The following MACROD2 variants were observed in gnomAD, a reference collection of about 807,000 sequenced individuals.
MACROD2 encodes mono-ADP ribosylhydrolase 2.
Under a neutral mutation model 70.4 loss-of-function variants are expected in MACROD2, and 36 were observed. The observed-to-expected ratio is 0.51, with a 90% CI of 0.39 to 0.68. The LOEUF is 0.68. Ranked by LOEUF, MACROD2 falls within the 30% of genes least tolerant of loss-of-function variation. MACROD2 has a pLI of 0.00. For synonymous variants in MACROD2, 172 were observed against 178.8 expected (o/e 0.96, Z 0.30); for missense variants, 496 against 538.4 (o/e 0.92, Z 0.78).
chr20:14,746,386 G>C (rs1427468020), intron 5 of MACROD2, among the ~76,000 whole-genome samples: 1 of 152,088 alleles, frequency 6.6e-6, no homozygotes. Flanking sequence ...TCTGGTGCCT[G>C]TTTTAAGGGT....
chr20:15,631,774 C>G (rs1408005372), intron 8 of MACROD2, among the ~76,000 whole-genome samples: 1 of 152,184 alleles, frequency 6.6e-6, no homozygotes, highest in African/African-American at 2.4e-5. Flanking sequence ...TTAAAAAACA[C>G]TGATGTCCAG....
At chr20:14,696,186 C>CGATAGATA (rs202111628) in intron 5 of MACROD2, among the ~76,000 whole-genome samples, 1 of 151,802 alleles carries the variant, frequency 6.6e-6, no homozygotes, top group African/African-American at 2.4e-5. Context: ...ATAGATAGAT[C>CGATAGATA]GATAGATAGA....
chr20:15,337,504 T>G (rs1007585763), intron 6 of MACROD2, among the ~76,000 whole-genome samples: 1 of 151,804 alleles, frequency 6.6e-6, no homozygotes, highest in Non-Finnish European at 1.5e-5. Context: ...CTAATAAAAA[T>G]TACATATATT....
intron 5 of MACROD2, among the ~76,000 whole-genome samples, chr20:14,863,074 G>T (rs1312166840): frequency 2.0e-5 from 3 of 151,804 alleles, no homozygotes; most frequent in Admixed American, 1.3e-4. Context: ...ATTCTCCAAG[G>T]GTTGGCTTCA....
intron 5 of MACROD2, among the ~76,000 whole-genome samples, chr20:14,751,242 A>G (rs1443269561): frequency 1.3e-5 from 2 of 151,350 alleles, no homozygotes; most frequent in Admixed American, 1.3e-4. Context: ...GTGAAATCCC[A>G]TTACACCTTA....
At chr20:15,774,292 A>T (rs1469250149) in intron 8 of MACROD2, among the ~76,000 whole-genome samples, 7 of 152,164 alleles carry the variant, frequency 4.6e-5, no homozygotes, top group Non-Finnish European at 8.8e-5. Flanking sequence ...AGTTCAAGAG[A>T]GTTATGTTAA....
intron 8 of MACROD2, among the ~76,000 whole-genome samples, chr20:15,837,501 C>G (rs2064127327): frequency 6.6e-6 from 1 of 152,132 alleles, no homozygotes; most frequent in Non-Finnish European, 1.5e-5. Flanking sequence ...TCCTCAGTAG[C>G]AGACACTGTA....
Position 14,321,333 on chromosome 20 carries a change from C to T in MACROD2, c.272-172146C>T, listed in dbSNP as rs149975065. Among the ~76,000 whole-genome samples the T allele has an allele frequency of 4.6e-3, 692 of 150,498 alleles. 7 individuals carry two copies. Among genetic ancestry groups the T allele is most frequent in the Middle Eastern group, 0.027 (8 of 294 alleles). On this transcript the variant is annotated intron_variant, in intron 3 of 17. Transcript: ENST00000684519. ...TGAGCCAAGATTGTGCCACTGCACT[C>T]CAGCCTGGATAACAGAGTGATACTC...
chr20:15,445,458 A>AAG (rs140471761), intron 7 of MACROD2, among the ~76,000 whole-genome samples: 21 of 150,844 alleles, frequency 1.4e-4, no homozygotes, highest in East Asian at 1.2e-3. Flanking sequence ...AGCTTTCCAT[A>AAG]AGAGAGAGAG....
intron 8 of MACROD2, among the ~76,000 whole-genome samples, chr20:15,622,011 G>T (rs979333750): frequency 6.6e-5 from 10 of 152,210 alleles, no homozygotes; most frequent in Non-Finnish European, 1.5e-4. Flanking sequence ...GGGCTCTGCA[G>T]TGAGAAGGCA....
intron 5 of MACROD2, among the ~76,000 whole-genome samples, chr20:14,853,197 G>A (rs1222655158): frequency 6.6e-6 from 1 of 151,596 alleles, no homozygotes; most frequent in Admixed American, 6.6e-5. Context: ...GTGTGTGTGT[G>A]TGTATAAATG....
At chr20:15,631,512 A>G (rs1363608244) in intron 8 of MACROD2, among the ~76,000 whole-genome samples, 1 of 152,210 alleles carries the variant, frequency 6.6e-6, no homozygotes, top group African/African-American at 2.4e-5. Flanking sequence ...GAGAAAGTAA[A>G]TGAGAACATT....
At chr20:15,387,422 A>C (rs1410720971) in intron 6 of MACROD2, among the ~76,000 whole-genome samples, 1 of 145,276 alleles carries the variant, frequency 6.9e-6, no homozygotes, top group Admixed American at 6.9e-5. Flanking sequence ...TCCATTCTCC[A>C]TCCTTTCTCC....
intron 3 of MACROD2, among the ~76,000 whole-genome samples, chr20:14,344,279 G>T (rs1172600217): frequency 6.6e-6 from 1 of 152,102 alleles, no homozygotes; most frequent in East Asian, 1.9e-4. Context: ...CTGATTATTT[G>T]CCAGATTTTC....
At chr20:14,314,824 C>G (rs1202791345) in intron 3 of MACROD2, among the ~76,000 whole-genome samples, 3 of 151,528 alleles carry the variant, frequency 2.0e-5, no homozygotes, top group Non-Finnish European at 4.4e-5. Context: ...AGCCATTAAC[C>G]CATACCCGTG....
Position 14,601,952 on chromosome 20 carries a change from C to T in MACROD2, c.302-82891C>T, listed in dbSNP as rs530042494. ...GTACCATATGATTAAGCATCTCGCA[C>T]CATATATAAACTATTTATTTGCACG... On this transcript the variant is annotated intron_variant, in intron 4 of 17. Transcript: ENST00000684519. Among the ~76,000 whole-genome samples, 3 of 152,292 alleles carry T rather than the reference C, an allele frequency of 2.0e-5. No individual in the cohort carries two copies. The South Asian group carries it at 6.2e-4, about 32-fold the overall frequency.
intron 5 of MACROD2, among the ~76,000 whole-genome samples, chr20:14,759,489 G>A (rs1424319022): frequency 6.6e-6 from 1 of 151,886 alleles, no homozygotes; most frequent in Admixed American, 6.6e-5. Flanking sequence ...TATTATAAAG[G>A]TGTATTTATA....
chr20:15,453,079 A>G (rs916906181), intron 7 of MACROD2, among the ~76,000 whole-genome samples: 14 of 152,278 alleles, frequency 9.2e-5, no homozygotes, highest in African/African-American at 2.6e-4. Context: ...AAGCCAGACC[A>G]TGAACACAGC....
chr20:15,904,399 A>C (rs1337135469), intron 10 of MACROD2, among the ~76,000 whole-genome samples: 1 of 152,204 alleles, frequency 6.6e-6, no homozygotes, highest in African/African-American at 2.4e-5. Context: ...AAAAGCACAA[A>C]AATATTGACA....
Sources: allele counts gnomAD v4.1 joint callset (sites outside exome capture counted in the v4.1 genomes callset), GRCh38; gene constraint gnomAD v4.1.1; transcripts MANE v1.5; gene names NCBI Gene and HGNC (gene_info 2026-07-23, HGNC 2026-07-21).